The following BRCA1 variants were observed in gnomAD, a reference collection of about 807,000 sequenced individuals.
BRCA1 encodes BRCA1 DNA repair associated.
In BRCA1, 140 loss-of-function variants were observed where a neutral mutation model predicts 173.7. The ratio of observed to expected loss-of-function variants is 0.81; its 90% confidence interval spans 0.70 to 0.93. The LOEUF (loss-of-function observed/expected upper bound fraction) is 0.93. Among genes scored for constraint, BRCA1 ranks in the 40% least tolerant of loss-of-function variants. BRCA1 has a pLI of 0.00. For missense variants in BRCA1, 1,983 were observed against 2,172.5 expected, an observed-to-expected ratio of 0.91 and a Z score of 1.73; for synonymous variants, 662 against 756.0, an observed-to-expected ratio of 0.88 and a Z score of 2.04.
At chr17:43,140,167 C>T in intron 1 of BRCA1, 1 of 316,344 alleles carries the variant, frequency 3.2e-6, no homozygotes, top group Non-Finnish European at 6.3e-6. Context: ...AAAGACAGGA[C>T]ATGGAGAGCT....
chr17:43,076,524 C>G lies in BRCA1; in HGVS notation c.4448G>C (p.Ser1483Thr), dbSNP rs2052724227. 6.2e-7 allele frequency: 1 copy of G among 1,613,800 alleles called. No individual in the cohort carries two copies. The highest frequency in any genetic ancestry group is 8.5e-7 in the Non-Finnish European group (1 of 1,179,898). Residue 1483 changes from serine (S) to threonine (T), a missense_variant, in exon 13 of 23, where the codon AGT becomes ACT. Physicochemically the swap from Ser to Thr is moderately conservative, Grantham distance 58. Coordinates refer to ENST00000357654, the MANE Select transcript of BRCA1 (RefSeq NM_007294.4). The part of the protein sequence containing the change: ...SADKFEVSAD[S>T]STSKNKEPGV... ...TGGTTCTTTATTTTTACTGGTAGAA[C>G]TATCTGCAGACACCTCAAACTTGTC...
At chr17:43,160,825 G>A (rs2056231315) in intron 1 of BRCA1, 1 of 152,080 alleles carries the variant, frequency 6.6e-6, no homozygotes, top group Non-Finnish European at 1.5e-5. Context: ...GTACACTTGT[G>A]CTGATGCATT....
At chr17:43,104,391 ATTT>A in intron 5 of BRCA1, 130 bp from the exon 6 acceptor site, 1 of 1,052,080 alleles carries the variant, frequency 9.5e-7, no homozygotes, top group Non-Finnish European at 1.3e-6. Flanking sequence ...GTTACCTGTG[ATTT>A]TTTTTAAAAA....
At chr17:43,061,204 A>G (rs1043201748) in intron 18 of BRCA1, among the ~76,000 whole-genome samples, 1 of 152,168 alleles carries the variant, frequency 6.6e-6, no homozygotes, top group African/African-American at 2.4e-5. Flanking sequence ...TCCTCTGCCT[A>G]TAAGATGCAT....
Position 43,094,835 on chromosome 17 carries a change from A to G in BRCA1, c.696T>C (p.Asp232=), listed in dbSNP as rs1057523563. 6.2e-7 allele frequency: 1 copy of G among 1,613,460 alleles called. No individual in the cohort carries two copies. The change falls in exon 10 of 23, where the codon GAT becomes GAC. Residue 232 remains aspartate (D), a synonymous_variant. Transcript: ENST00000357654. ...KKAACEFSET[D]VTNTEHHQPS... is the part of the protein sequence containing the mutation. ...GTTGATGATGTTCAGTATTTGTTAC[A>G]TCCGTCTCAGAAAATTCACAAGCAG...
upstream of BRCA1, among the ~76,000 whole-genome samples, chr17:43,128,023 C>CAAAAAA (rs61243891): frequency 4.0e-5 from 1 of 24,988 alleles, no homozygotes; most frequent in Non-Finnish European, 9.5e-5. Context: ...GACTCCATCT[C>CAAAAAA]AAAAAAAAAA....
At chr17:43,090,905 C>G in intron 11 of BRCA1, 39 bp downstream of exon 11, 1 of 1,549,658 alleles carries the variant, frequency 6.5e-7, no homozygotes. Context: ...GCAAAGGACA[C>G]CACACACACG....
intron 6 of BRCA1, among the ~76,000 whole-genome samples, chr17:43,101,963 A>G (rs2054495387): frequency 6.6e-6 from 1 of 152,008 alleles, no homozygotes; most frequent in Non-Finnish European, 1.5e-5. Context: ...GTCCAGTGGC[A>G]CAGTCATAGC....
intron 1 of BRCA1, chr17:43,142,609 A>C (rs1328486893): frequency 6.6e-6 from 1 of 152,144 alleles, no homozygotes; most frequent in Admixed American, 6.6e-5. Context: ...GATTTTAAAA[A>C]CTATGCTTCC....
At chr17:43,142,191 G>A (rs564024880) in intron 1 of BRCA1, among the ~76,000 whole-genome samples, 49 of 152,186 alleles carry the variant, frequency 3.2e-4, no homozygotes, top group Non-Finnish European at 4.6e-4. Flanking sequence ...TGGAATTACA[G>A]GCGTGAGCCA....
At chr17:43,052,214 A>G (rs999483528) in intron 19 of BRCA1, among the ~76,000 whole-genome samples, 3 of 152,224 alleles carry the variant, frequency 2.0e-5, no homozygotes, top group African/African-American at 7.2e-5. Context: ...GCCATGAGTC[A>G]CATATAGTTA....
rs1429701835 is a variant in BRCA1, at chr17:43,092,477, G to A, written c.3054C>T (p.Asn1018=). ...TAATTGTGCTCACTGTACTTGGAAT[G>A]TTCTCATTTCCCATTTCTCTTTCAG... ...MSPEREMGNE[N]IPSTVSTISR... is the part of the protein sequence containing the mutation. Residue 1018 remains asparagine, a synonymous_variant, in exon 10 of 23, where the codon AAC becomes AAT. Transcript: ENST00000357654. 2.5e-6 allele frequency: 4 copies of A among 1,613,794 alleles called. No homozygotes were observed. The highest frequency in any genetic ancestry group is 2.5e-6 in the Non-Finnish European group (3 of 1,179,970).
chr17:43,104,826 G>A (rs2154551271), intron 5 of BRCA1, 42 bp downstream of exon 5: 1 of 1,540,728 alleles, frequency 6.5e-7, no homozygotes, highest in Non-Finnish European at 9.0e-7. Flanking sequence ...GAGTTTTCAT[G>A]GACAGCACTT....
intron 15 of BRCA1, among the ~76,000 whole-genome samples, 195 bp from the exon 16 acceptor site, chr17:43,067,890 TAAAAAAAA>T (rs71157702): frequency 2.0e-5 from 1 of 50,112 alleles, no homozygotes; most frequent in Non-Finnish European, 3.3e-5. Flanking sequence ...AGGCTGGAGG[TAAAAAAAA>T]AAAAAAAAAA....
rs2055453854 is a variant in BRCA1, at chr17:43,119,550, G to A, written c.81-3771C>T. Among the ~76,000 whole-genome samples, 3 of 151,810 alleles carry A rather than the reference G, an allele frequency of 2.0e-5. No homozygotes were observed. The South Asian group carries it at 6.2e-4, about 31-fold the overall frequency. ...GGCTATTGCAAGAATAAAATTAAAT[G>A]CTACTTGGGAAAATGCTTCACAACC... On this transcript the variant is annotated intron_variant, in intron 2 of 22. Coordinates refer to ENST00000357654, the MANE Select transcript of BRCA1 (RefSeq NM_007294.4).
At chr17:43,132,053 G>A (rs184178200) in intron 1 of BRCA1, among the ~76,000 whole-genome samples, 26 of 152,256 alleles carry the variant, frequency 1.7e-4, no homozygotes, top group Admixed American at 1.6e-3. Flanking sequence ...CAAAGTTATG[G>A]GATTACAGGC....
At position 43,094,397 on chromosome 17, in the gene BRCA1, G is replaced by T. The variant is rs863224752; in HGVS notation, c.1134C>A (p.Ser378Arg). The T allele has an allele frequency of 6.8e-6, 11 of 1,614,032 alleles. No homozygotes were observed. The highest frequency in any genetic ancestry group is 9.3e-6 in the Non-Finnish European group (11 of 1,180,030). The change falls in exon 10 of 23, where the codon AGC becomes AGA. Residue 378 changes from serine to arginine, a missense_variant. Physicochemically the swap from Ser to Arg is moderately radical, Grantham distance 110. Transcript: ENST00000357654. ...EDVPWITLNS[S>R]IQKVNEWFSR... The stretch of plus-strand genomic sequence containing the variant: ...AAAACCACTCATTAACTTTCTGAAT[G>T]CTGCTATTTAGTGTTATCCAAGGAA...
upstream of BRCA1, among the ~76,000 whole-genome samples, chr17:43,128,834 G>C (rs991785940): frequency 8.9e-6 from 1 of 112,294 alleles, no homozygotes; most frequent in African/African-American, 4.0e-5. Flanking sequence ...TTTTTTTTTC[G>C]AGACAAAGTC....
At chr17:43,151,794 G>A (rs2056163677) in intron 1 of BRCA1, among the ~76,000 whole-genome samples, 1 of 152,206 alleles carries the variant, frequency 6.6e-6, no homozygotes, top group South Asian at 2.1e-4. Context: ...TACTTGGGAG[G>A]CTGAGGAGGG....
Sources: gnomAD v4.1 joint callset for allele counts (sites outside exome capture counted in the v4.1 genomes callset) on GRCh38, gnomAD v4.1.1 for gene constraint, MANE v1.5 for transcripts, NCBI Gene and HGNC (gene_info 2026-07-23, HGNC 2026-07-21) for gene names.